Variants in USP29 observed in about 807,000 individuals in gnomAD.
USP29 encodes the protein ubiquitin specific peptidase 29.
For synonymous variants in USP29, 386 were observed against 387.4 expected, an observed-to-expected ratio of 1.00 and a Z score of 0.04; for missense variants, 1,102 against 1,069.0, an observed-to-expected ratio of 1.03 and a Z score of -0.43.
rs1236403414 is a variant in USP29 at position 57,128,518 on chromosome 19, A to T, written c.-16-142A>T. On this transcript the variant is annotated intron_variant, in intron 3 of 3. Coordinates refer to ENST00000254181, the MANE Select transcript of USP29 (RefSeq NM_020903.3). ...TCTGGAGAACTGGCACAGCTTCAGA[A>T]TATTAGCACCCCAAAAGAGTATTTT... is the stretch of plus-strand genomic sequence containing the variant. 4.6e-6 allele frequency: 4 copies of T among 860,560 alleles called. No individual in the cohort carries two copies. The African/African-American group carries it at 5.2e-5, about 11-fold the overall frequency. 53.3% of individuals were successfully genotyped at this position (860,560 alleles called of 1,614,324 possible). A position where few individuals can be genotyped will look rare whatever the true frequency, so the allele number is the denominator to read the frequency against.
rs1054799098 is a variant in USP29 at position 57,129,266 on chromosome 19, A to G, written c.591A>G (p.Thr197=). 3.7e-6 allele frequency: 6 copies of G among 1,613,308 alleles called. No homozygotes were observed. The highest frequency in any genetic ancestry group is 5.1e-6 in the Non-Finnish European group (6 of 1,179,854). The change falls in exon 4 of 4, where the codon ACA becomes ACG. Residue 197 remains threonine (T), a synonymous_variant. Transcript: ENST00000254181. ...DNPVPNKKYK[T]DSLKYIQSNR... ...CTGTACCAAACAAGAAATATAAGAC[A>G]GATTCCTTGAAATATATACAAAGCA...
rs1172762388 is a variant in USP29 at position 57,131,240 on chromosome 19, A to C, written c.2565A>C (p.Thr855=). 1.2e-6 allele frequency: 2 copies of C among 1,614,224 alleles called. No homozygotes were observed. The highest frequency in any genetic ancestry group is 2.2e-5 in the East Asian group (1 of 44,888). ...VYDFQKQAWF[T]YNDLCVSEIS... is the part of the protein sequence containing the mutation. ...ACTTTCAGAAGCAGGCCTGGTTCAC[A>C]TACAACGATCTATGTGTATCAGAAA... The change falls in exon 4 of 4, where the codon ACA becomes ACC. Residue 855 remains threonine (T), a synonymous_variant. Coordinates refer to ENST00000254181, the MANE Select transcript of USP29 (RefSeq NM_020903.3).
At chr19:57,124,976 T>C (rs567122007) in intron 3 of USP29, among the ~76,000 whole-genome samples, 2 of 152,230 alleles carry the variant, frequency 1.3e-5, no homozygotes, top group Non-Finnish European at 2.9e-5. Flanking sequence ...TAGTTTAATA[T>C]ATTCCTAGGA....
chr19:57,121,325 T>G (rs1283887022), intron 1 of USP29, among the ~76,000 whole-genome samples: 2 of 143,682 alleles, frequency 1.4e-5, no homozygotes, highest in African/African-American at 5.1e-5. Flanking sequence ...TGTTATGTAC[T>G]TATATATTAT....
chr19:57,126,441 A>C (rs1168274298), intron 3 of USP29, among the ~76,000 whole-genome samples: 1 of 151,926 alleles, frequency 6.6e-6, no homozygotes, highest in African/African-American at 2.4e-5. Context: ...TGTTTCTTGG[A>C]GCCTTTGTTC....
intron 2 of USP29, among the ~76,000 whole-genome samples, chr19:57,123,808 A>C (rs918461384): frequency 6.6e-6 from 1 of 152,172 alleles, no homozygotes; most frequent in African/African-American, 2.4e-5. Context: ...ATATTAATCT[A>C]ATCTGTGTAA....
chr19:57,123,120 G>C (rs1441701653), intron 2 of USP29, among the ~76,000 whole-genome samples: 1 of 152,142 alleles, frequency 6.6e-6, no homozygotes, highest in Non-Finnish European at 1.5e-5. Flanking sequence ...ACACATCCCT[G>C]TTTCTTTAGC....
At chr19:57,127,763 A>G (rs1203390129) in intron 3 of USP29, among the ~76,000 whole-genome samples, 1 of 152,088 alleles carries the variant, frequency 6.6e-6, no homozygotes, top group East Asian at 1.9e-4. Flanking sequence ...CCCTGGCTTC[A>G]GCCCCCTTTC....
chr19:57,120,538 G>A (rs1206776846), intron 1 of USP29, among the ~76,000 whole-genome samples: 2 of 151,758 alleles, frequency 1.3e-5, no homozygotes, highest in Admixed American at 6.6e-5. Flanking sequence ...TGTCATGCCA[G>A]CACTTTGGGA....
Position 57,129,312 on chromosome 19 carries a change from T to G in USP29, c.637T>G (p.Leu213Val). 2 of 1,614,126 alleles carry G rather than the reference T, an allele frequency of 1.2e-6. No homozygotes were observed. Among genetic ancestry groups the G allele is most frequent in the Non-Finnish European group, 1.7e-6 (2 of 1,180,024 alleles). Residue 213 changes from leucine to valine, a missense_variant, in exon 4 of 4, where the codon TTA (leucine) becomes GTA (valine). By Grantham distance (32) the Leu-to-Val change is conservative. Coordinates refer to ENST00000254181, the MANE Select transcript of USP29 (RefSeq NM_020903.3). ...AAGCAATAGGAAGAACCCATCAAGT[T>G]TAGAGGATTTAGAAAAAGATAGAGA... Reference protein sequence around the residue: ...IQSNRKNPSSLEDLEKDRDLK... With the variant: ...IQSNRKNPSSVEDLEKDRDLK...
At chr19:57,123,607 G>T (rs373117808) in intron 2 of USP29, among the ~76,000 whole-genome samples, 16 of 152,198 alleles carry the variant, frequency 1.1e-4, no homozygotes, top group African/African-American at 3.9e-4. Flanking sequence ...TGATCTCGAT[G>T]CATCCTCTCT....
intron 1 of USP29, among the ~76,000 whole-genome samples, chr19:57,120,799 A>AAAAAAAAAAAAAAAC: frequency 1.4e-5 from 2 of 147,018 alleles, no homozygotes; most frequent in Non-Finnish European, 1.5e-5. Context: ...AAAAAAAAAA[A>AAAAAAAAAAAAAAAC]AAAAAAAAAA....
chr19:57,129,835 A>C lies in USP29; in HGVS notation c.1160A>C (p.Asp387Ala). Residue 387 changes from aspartate to alanine, a missense_variant, in exon 4 of 4, where the codon GAC becomes GCC. Physicochemically the swap from Asp to Ala is moderately radical, Grantham distance 126. Transcript: ENST00000254181. ...CAGTGTTTAGACCAGCTGAAAGAAG[A>C]CATGGAAAAATTAAATGCCACTTTG... Reference protein sequence around the residue: ...LGQCLDQLKEDMEKLNATLNT... With the variant: ...LGQCLDQLKEAMEKLNATLNT... 2 of 1,614,200 alleles carry C rather than the reference A, an allele frequency of 1.2e-6. No homozygotes were observed. Among genetic ancestry groups the C allele is most frequent in the Non-Finnish European group, 1.7e-6 (2 of 1,180,036 alleles).
upstream of USP29, chr19:57,119,325 G>A (rs2086780506): frequency 6.6e-6 from 1 of 152,226 alleles, no homozygotes; most frequent in Non-Finnish European, 1.5e-5. Flanking sequence ...AGGATTCACG[G>A]GTGGCTGAGG....
rs2086850917 is a variant in USP29 at position 57,130,443 on chromosome 19, T to A, written c.1768T>A (p.Ser590Thr). The A allele has an allele frequency of 6.2e-7, 1 of 1,614,024 alleles. No homozygotes were observed. Among genetic ancestry groups the A allele is most frequent in the Admixed American group, 1.7e-5 (1 of 59,994 alleles). ...GAAGCTGACCTCAGAATCCAGTGAT[T>A]CCCTGGTTCTACCCGTTGAACCAGA... The part of the protein sequence containing the change: ...SMKLTSESSD[S>T]LVLPVEPDKN... Residue 590 changes from serine to threonine, a missense_variant, in exon 4 of 4, where the codon TCC becomes ACC. Coordinates refer to ENST00000254181, the MANE Select transcript of USP29 (RefSeq NM_020903.3).
rs763628851 is a variant in USP29, at chr19:57,129,726, C to T, written c.1051C>T (p.Leu351Phe). ...FCSTKIKREL[L>F]GNVKKVISAV... ...TAGTACAAAGATCAAGAGAGAATTA[C>T]TTGGGAATGTTAAAAAAGTCATTTC... Residue 351 changes from leucine to phenylalanine, a missense_variant, in exon 4 of 4, where the codon CTT (leucine) becomes TTT (phenylalanine). Coordinates refer to ENST00000254181, the MANE Select transcript of USP29 (RefSeq NM_020903.3). The T allele has an allele frequency of 3.1e-6, 5 of 1,613,688 alleles. No individual in the cohort carries two copies. The highest frequency in any genetic ancestry group is 2.7e-5 in the African/African-American group (2 of 74,884).
Position 57,131,199 on chromosome 19 carries a change from A to C in USP29, c.2524A>C (p.Ile842Leu). 2 of 1,614,222 alleles carry C rather than the reference A, an allele frequency of 1.2e-6. No individual in the cohort carries two copies. The highest frequency in any genetic ancestry group is 1.7e-6 in the Non-Finnish European group (2 of 1,180,040). The change falls in exon 4 of 4, where the codon ATC becomes CTC. Residue 842 changes from isoleucine to leucine, a missense_variant. Coordinates refer to ENST00000254181, the MANE Select transcript of USP29 (RefSeq NM_020903.3). ...GAGCTCCCCAAATTCAGGCCATTAC[A>C]TCAGCGATGTGTATGACTTTCAGAA... ...IGSSPNSGHY[I>L]SDVYDFQKQA...
chr19:57,129,034 T>C lies in USP29; in HGVS notation c.359T>C (p.Phe120Ser). Residue 120 changes from phenylalanine (F) to serine (S), a missense_variant, in exon 4 of 4, where the codon TTT (phenylalanine) becomes TCT (serine). By Grantham distance (155) the Phe-to-Ser change is radical. Transcript: ENST00000254181. ...AAATCTGATGATGATTGGAGTGTGT[T>C]TGAAAGCAGGAATATGCTGAAGGAA... ...PMKSDDDWSVFESRNMLKEID... is the reference protein window; with the variant it reads ...PMKSDDDWSVSESRNMLKEID... 1 of 1,613,866 alleles carries C rather than the reference T, an allele frequency of 6.2e-7. No individual in the cohort carries two copies. Among genetic ancestry groups the C allele is most frequent in the Non-Finnish European group, 8.5e-7 (1 of 1,179,938 alleles).
chr19:57,125,541 C>A (rs2086819254), intron 3 of USP29, among the ~76,000 whole-genome samples: 1 of 151,778 alleles, frequency 6.6e-6, no homozygotes, highest in Non-Finnish European at 1.5e-5. Flanking sequence ...CTTTTTTGAT[C>A]TTTGTTGGTT....
Sources: allele counts gnomAD v4.1 joint callset (sites outside exome capture counted in the v4.1 genomes callset), GRCh38; gene constraint gnomAD v4.1.1; transcripts MANE v1.5; gene names NCBI Gene and HGNC (gene_info 2026-07-23, HGNC 2026-07-21).